The following NRG3 variants were observed in gnomAD, a reference collection of about 807,000 sequenced individuals.
The protein encoded by NRG3 is pro-neuregulin-3, membrane-bound isoform.
In NRG3, 31 loss-of-function variants were observed where a neutral mutation model predicts 66.9. The observed-to-expected ratio is 0.46, with a 90% confidence interval of 0.35 to 0.63. The LOEUF is 0.63. NRG3 is among the 20% of genes least tolerant of loss of function. The pLI is 0.00. For synonymous variants in NRG3, 393 were observed against 359.4 expected, an observed-to-expected ratio of 1.09 and a Z score of -1.06; for missense variants, 910 against 878.9, an observed-to-expected ratio of 1.04 and a Z score of -0.45.
rs1278626058 is a variant in NRG3 at position 82,499,729 on chromosome 10, A to G, written c.953+140861A>G. ...TCTTTAAAATATTTATTGGTTAGGT[A>G]TAAGTTATAAATCACCCATAATAGT... is the stretch of plus-strand genomic sequence containing the variant. On this transcript the variant is annotated intron_variant, in intron 2 of 8. Transcript: ENST00000372141. Among the ~76,000 whole-genome samples the G allele has an allele frequency of 2.6e-5, 4 of 152,284 alleles. No homozygotes were observed. In the South Asian group the frequency reaches 6.2e-4, roughly 24 times the overall value.
At chr10:82,569,963 G>A (rs2045632449) in intron 2 of NRG3, among the ~76,000 whole-genome samples, 2 of 151,440 alleles carry the variant, frequency 1.3e-5, no homozygotes, top group African/African-American at 4.8e-5. Context: ...TCTGCAAATG[G>A]CACAACCACT....
intron 1 of NRG3, among the ~76,000 whole-genome samples, chr10:81,899,832 A>G (rs1386362962): frequency 2.6e-5 from 4 of 152,190 alleles, no homozygotes; most frequent in East Asian, 3.9e-4. Flanking sequence ...TTTGTCATAC[A>G]CAGTCAGCAG....
intron 2 of NRG3, among the ~76,000 whole-genome samples, chr10:82,490,307 C>G (rs1842989650): frequency 6.6e-6 from 1 of 152,164 alleles, no homozygotes; most frequent in Admixed American, 6.5e-5. Flanking sequence ...CTCTCATGCT[C>G]ATACAGAAGT....
chr10:81,880,285 G>T (rs1287928236), intron 1 of NRG3, among the ~76,000 whole-genome samples: 1 of 151,996 alleles, frequency 6.6e-6, no homozygotes, highest in Non-Finnish European at 1.5e-5. Context: ...TTCCTCCCCA[G>T]TTCTTCAGAC....
intron 2 of NRG3, among the ~76,000 whole-genome samples, chr10:82,681,165 C>A (rs2054087289): frequency 6.6e-6 from 1 of 152,142 alleles, no homozygotes; most frequent in Admixed American, 6.5e-5. Context: ...TTTGGGTAAG[C>A]TTTAGAAGGT....
At chr10:82,467,503 T>G (rs2132023662) in intron 2 of NRG3, among the ~76,000 whole-genome samples, 1 of 152,334 alleles carries the variant, frequency 6.6e-6, no homozygotes, top group Non-Finnish European at 1.5e-5. Flanking sequence ...GGAAGGATTT[T>G]GAATCCTGCT....
chr10:82,910,991 TA>T (rs1325772131), intron 4 of NRG3, among the ~76,000 whole-genome samples: 2 of 152,212 alleles, frequency 1.3e-5, no homozygotes, highest in Non-Finnish European at 2.9e-5. Context: ...GGACTGACTT[TA>T]AAATATTGAT....
intron 2 of NRG3, among the ~76,000 whole-genome samples, chr10:82,367,267 G>A (rs1193990085): frequency 6.6e-6 from 1 of 152,190 alleles, no homozygotes; most frequent in East Asian, 1.9e-4. Context: ...TCAATTGGAA[G>A]TTGTAAAATG....
At chr10:82,926,821 TG>T (rs1185358778) in intron 4 of NRG3, among the ~76,000 whole-genome samples, 1 of 152,262 alleles carries the variant, frequency 6.6e-6, no homozygotes, top group African/African-American at 2.4e-5. Context: ...AAACAGTTCT[TG>T]TCTCCTGAAA....
intron 1 of NRG3, among the ~76,000 whole-genome samples, chr10:82,178,481 G>T (rs1303509410): frequency 6.6e-6 from 1 of 152,112 alleles, no homozygotes; most frequent in Non-Finnish European, 1.5e-5. Context: ...AGCAGTATTT[G>T]CCCTTCTGTG....
At chr10:82,001,196 A>G (rs928716429) in intron 1 of NRG3, among the ~76,000 whole-genome samples, 2 of 119,106 alleles carry the variant, frequency 1.7e-5, no homozygotes, top group East Asian at 2.2e-4. Context: ...AGTGTAAGAG[A>G]AAAAAAAAAA....
chr10:82,184,648 T>C (rs1444767291), intron 1 of NRG3, among the ~76,000 whole-genome samples: 1 of 152,140 alleles, frequency 6.6e-6, no homozygotes, highest in Non-Finnish European at 1.5e-5. Flanking sequence ...CTGGAGACAA[T>C]TAATTCCTCG....
chr10:82,580,308 A>G (rs2046280290), intron 2 of NRG3, among the ~76,000 whole-genome samples: 1 of 151,980 alleles, frequency 6.6e-6, no homozygotes. Context: ...AGAAAAGTTG[A>G]GCCCAAATAC....
chr10:82,358,925 G>A, intron 2 of NRG3, 57 bp downstream of exon 2: 4 of 1,611,220 alleles, frequency 2.5e-6, no homozygotes, highest in Non-Finnish European at 3.4e-6. Context: ...CGTGGGGGTG[G>A]AGGGTGCTGG....
At position 82,134,021 on chromosome 10, in the gene NRG3, T is replaced by C. The variant is rs186484678; in HGVS notation, c.824-224718T>C. 2.0e-5 allele frequency among the ~76,000 whole-genome samples: 3 copies of C among 152,194 alleles called. No homozygotes were observed. In the East Asian group the frequency reaches 5.8e-4, roughly 29 times the overall value. ...TGCATTTCTCTAATGATCACTGATATTGTGCTTTTTTCATATGCTTGTTGG... is the reference window on the plus strand; with the variant it reads ...TGCATTTCTCTAATGATCACTGATACTGTGCTTTTTTCATATGCTTGTTGG... On this transcript the variant is annotated intron_variant, in intron 1 of 8. Coordinates refer to ENST00000372141, the MANE Select transcript of NRG3 (RefSeq NM_001010848.4).
chr10:82,823,896 T>A (rs1591634456), intron 3 of NRG3, among the ~76,000 whole-genome samples: 1 of 152,166 alleles, frequency 6.6e-6, no homozygotes, highest in African/African-American at 2.4e-5. Flanking sequence ...TGGTAGTTTT[T>A]TAGCATATAC....
At chr10:82,984,851 TAA>T in intron 8 of NRG3, 1 of 1,503,406 alleles carries the variant, frequency 6.7e-7, no homozygotes, top group Non-Finnish European at 9.1e-7. Flanking sequence ...CCCCTGGACT[TAA>T]AGTAAGAAGA....
intron 2 of NRG3, among the ~76,000 whole-genome samples, chr10:82,532,487 C>A (rs1248671347): frequency 6.8e-6 from 1 of 146,912 alleles, no homozygotes; most frequent in South Asian, 2.1e-4. Flanking sequence ...ATAGTACTCT[C>A]TATATATAGT....
At chr10:82,210,002 G>A (rs2075318066) in intron 1 of NRG3, among the ~76,000 whole-genome samples, 1 of 152,098 alleles carries the variant, frequency 6.6e-6, no homozygotes, top group South Asian at 2.1e-4. Context: ...ATTAAAATTT[G>A]TGTTAATTCA....
Sources: gnomAD v4.1 joint callset for allele counts (sites outside exome capture counted in the v4.1 genomes callset) on GRCh38, gnomAD v4.1.1 for gene constraint, MANE v1.5 for transcripts, NCBI Gene and HGNC (gene_info 2026-07-23, HGNC 2026-07-21) for gene names.